Variants in PROSER1 observed in about 807,000 individuals in gnomAD.
PROSER1 encodes the protein proline and serine rich 1.
A neutral mutation model predicts 71.8 loss-of-function variants in PROSER1; 36 were observed. That is an observed-to-expected ratio of 0.50 (90% confidence interval 0.38 to 0.66). PROSER1 has a LOEUF of 0.66. Ranked by LOEUF, PROSER1 falls within the 30% of genes least tolerant of loss-of-function variation. PROSER1 has a pLI of 0.00. For missense variants in PROSER1, 1,107 were observed against 1,135.0 expected, an observed-to-expected ratio of 0.98 and a Z score of 0.35; for synonymous variants, 490 against 452.4, an observed-to-expected ratio of 1.08 and a Z score of -1.06.
chr13:39,026,511 A>G (rs937474712), intron 5 of PROSER1, 124 bp from the exon 6 acceptor site: 31 of 569,814 alleles, frequency 5.4e-5, no homozygotes, highest in African/African-American at 5.1e-4. Context: ...CTGCTCATAC[A>G]TAATTCAGCA....
rs1425239282 is a variant in PROSER1 at position 39,022,596 on chromosome 13, T to C, written c.644-184A>G. 4 of 524,670 alleles carry C rather than the reference T, an allele frequency of 7.6e-6. No homozygotes were observed. The African/African-American group carries it at 7.6e-5, about 10-fold the overall frequency. The allele number at this position is 524,670 out of a possible 1,614,324, so 32.5% of individuals were successfully genotyped here. On this transcript the variant is annotated intron_variant, in intron 8 of 12. Coordinates refer to ENST00000352251, the MANE Select transcript of PROSER1 (RefSeq NM_025138.5). ...GAGTTAAGTGAAAACTGACACCAAA[T>C]GAAACAACCAGAGATTCCTATTTCC...
intron 6 of PROSER1, 140 bp downstream of exon 6, chr13:39,026,137 G>T: frequency 1.8e-6 from 1 of 569,166 alleles, no homozygotes. Flanking sequence ...ATGAAGTTTA[G>T]ACATGAACTT....
intron 6 of PROSER1, among the ~76,000 whole-genome samples, chr13:39,025,628 G>C (rs534738463): frequency 6.6e-6 from 1 of 152,122 alleles, no homozygotes. Context: ...GCATGTAAAC[G>C]AGTCACCTTG....
At chr13:39,022,542 A>C in intron 8 of PROSER1, 130 bp from the exon 9 acceptor site, 1 of 615,724 alleles carries the variant, frequency 1.6e-6, no homozygotes, top group Non-Finnish European at 2.9e-6. Flanking sequence ...TATTTAATAC[A>C]GTTGATTTTA....
intron 12 of PROSER1, 112 bp downstream of exon 12, chr13:39,011,970 TA>T: frequency 8.8e-7 from 1 of 1,136,430 alleles, no homozygotes; most frequent in Non-Finnish European, 1.3e-6. Context: ...TGCATTCTGC[TA>T]AGAGCCATTT....
intron 1 of PROSER1, among the ~76,000 whole-genome samples, chr13:39,036,183 A>G (rs1407444189): frequency 1.3e-5 from 2 of 152,262 alleles, no homozygotes; most frequent in Admixed American, 1.3e-4. Context: ...ATTTTATTTC[A>G]AAAATTAATT....
chr13:39,011,478 C>T lies in PROSER1; in HGVS notation c.2722G>A (p.Ala908Thr), dbSNP rs773078069. The stretch of plus-strand genomic sequence containing the variant: ...GCTGGATAGCTTTCCAGAGCCGAAG[C>T]TGAATGGACCTGATGGAAAGAAGAG... ...QSALLQQVHS[A>T]SALESYPAQP... Residue 908 changes from alanine (A) to threonine (T), a missense_variant, in exon 13 of 13, where the codon GCT (alanine) becomes ACT (threonine). Coordinates refer to ENST00000352251, the MANE Select transcript of PROSER1 (RefSeq NM_025138.5). 8 of 1,613,902 alleles carry T rather than the reference C, an allele frequency of 5.0e-6. No homozygotes were observed. Among genetic ancestry groups the T allele is most frequent in the Non-Finnish European group, 1.7e-6 (2 of 1,179,980 alleles).
At position 39,026,302 on chromosome 13, in the gene PROSER1, G is replaced by A. The variant is rs748211728; in HGVS notation, c.455C>T (p.Pro152Leu). 4.3e-6 allele frequency: 7 copies of A among 1,611,734 alleles called. No individual in the cohort carries two copies. Among genetic ancestry groups the A allele is most frequent in the African/African-American group, 1.3e-5 (1 of 74,852 alleles). The change falls in exon 6 of 13, where the codon CCT (proline) becomes CTT (leucine). Residue 152 changes from proline (P) to leucine (L), a missense_variant. By Grantham distance (98) the Pro-to-Leu change is moderately conservative (BLOSUM62 -3). Coordinates refer to ENST00000352251, the MANE Select transcript of PROSER1 (RefSeq NM_025138.5). ...IPGNPYPKGR[P>L]SRINGIFPGT... ...TGGGAAAATTCCATTTATGCGGCTA[G>A]GTCTTCCTTTGGGATATGGATTTCC...
rs1199552330 is a variant in PROSER1, at chr13:39,012,714, G to A, written c.2538C>T (p.Asn846=). 2.5e-6 allele frequency: 4 copies of A among 1,592,768 alleles called. No homozygotes were observed. In the African/African-American group the frequency reaches 4.1e-5, roughly 16 times the overall value. ...ACCCGGCTTGTGCAACAAGAGCGGA[G>A]TTGAAATTGGAACTGAATGCTGAGG... is the stretch of plus-strand genomic sequence containing the variant. ...GFASAFSSNF[N]SALVAQAGLS... Residue 846 remains asparagine (N), a synonymous_variant, in exon 11 of 13, where the codon AAC becomes AAT. Coordinates refer to ENST00000352251, the MANE Select transcript of PROSER1 (RefSeq NM_025138.5).
intron 1 of PROSER1, among the ~76,000 whole-genome samples, chr13:39,034,599 T>G (rs1441907638): frequency 6.6e-6 from 1 of 152,256 alleles, no homozygotes; most frequent in Non-Finnish European, 1.5e-5. Flanking sequence ...CATCAATTAT[T>G]GAATATCTAC....
chr13:39,017,096 TTATTGAAA>T (rs1173851333), intron 10 of PROSER1, among the ~76,000 whole-genome samples: 4 of 152,248 alleles, frequency 2.6e-5, no homozygotes, highest in Admixed American at 2.0e-4. Flanking sequence ...TTAATAATAC[TTATTGAAA>T]TAATGAACTC....
At chr13:39,036,486 C>A (rs560257369) in intron 1 of PROSER1, among the ~76,000 whole-genome samples, 92 of 152,240 alleles carry the variant, frequency 6.0e-4, no homozygotes, top group African/African-American at 2.0e-3. Context: ...AACAATGGTA[C>A]ATCAAGTCCT....
Position 39,031,811 on chromosome 13 carries a change from C to T in PROSER1, c.112-180G>A, listed in dbSNP as rs888451038. On this transcript the variant is annotated intron_variant, in intron 2 of 12. Coordinates refer to ENST00000352251, the MANE Select transcript of PROSER1 (RefSeq NM_025138.5). ...TATATAGTTATATACATTTAAATAA[C>T]TTAAAGTCAAATAAAATGTAAAAAT... is the stretch of plus-strand genomic sequence containing the variant. 6 of 527,010 alleles carry T rather than the reference C, an allele frequency of 1.1e-5. No homozygotes were observed. The Admixed American group carries it at 2.3e-4, about 20-fold the overall frequency. 32.6% of individuals were successfully genotyped at this position (527,010 alleles called of 1,614,324 possible). A position where few individuals can be genotyped will look rare whatever the true frequency, so the allele number is the denominator to read the frequency against.
At chr13:39,029,159 T>C in intron 4 of PROSER1, 122 bp downstream of exon 4, 1 of 574,342 alleles carries the variant, frequency 1.7e-6, no homozygotes. Flanking sequence ...GAAATCAGAA[T>C]GTACCACTAT....
At chr13:39,033,582 A>G (rs1266744357) in intron 2 of PROSER1, among the ~76,000 whole-genome samples, 2 of 152,230 alleles carry the variant, frequency 1.3e-5, no homozygotes, top group Non-Finnish European at 2.9e-5. Context: ...TGTGACACAC[A>G]TATATTTTAA....
In PROSER1 at chr13:39,014,282, C is replaced by G. The variant is rs747081682; in HGVS notation, c.970G>C (p.Val324Leu). The change falls in exon 11 of 13, where the codon GTT (valine) becomes CTT (leucine). Residue 324 changes from valine (V) to leucine (L), a missense_variant. By Grantham distance (32) the Val-to-Leu change is conservative (BLOSUM62 1). Coordinates refer to ENST00000352251, the MANE Select transcript of PROSER1 (RefSeq NM_025138.5). ...GGTATTGATGGCTGAGGTGTGTGAACGGCTGAGGAGACCTGCCCTGGGAAC... is the reference window on the plus strand; with the variant it reads ...GGTATTGATGGCTGAGGTGTGTGAAGGGCTGAGGAGACCTGCCCTGGGAAC... ...PVFPGQVSSA[V>L]HTPQPSIPNP... is the part of the protein sequence containing the mutation. 1 of 1,613,884 alleles carries G rather than the reference C, an allele frequency of 6.2e-7. No individual in the cohort carries two copies. Among genetic ancestry groups the G allele is most frequent in the African/African-American group, 1.3e-5 (1 of 74,828 alleles).
intron 6 of PROSER1, among the ~76,000 whole-genome samples, chr13:39,025,803 T>C (rs990278679): frequency 1.3e-5 from 2 of 152,200 alleles, no homozygotes; most frequent in Admixed American, 6.5e-5. Flanking sequence ...GGGGTTGTTA[T>C]GCAGCTACAG....
intron 9 of PROSER1, 80 bp downstream of exon 9, chr13:39,022,246 G>A (rs1459697321): frequency 1.3e-5 from 12 of 941,418 alleles, no homozygotes; most frequent in Non-Finnish European, 1.8e-5. Context: ...GTTAGAATAC[G>A]TCATGCCAAA....
intron 2 of PROSER1, 98 bp from the exon 3 acceptor site, chr13:39,031,729 G>T (rs9566391): frequency 3.7e-5 from 37 of 1,012,506 alleles, no homozygotes; most frequent in Non-Finnish European, 4.9e-5. Context: ...GTGCAGCCCA[G>T]GCCCAGGTGA....
Sources: allele counts gnomAD v4.1 joint callset (sites outside exome capture counted in the v4.1 genomes callset), GRCh38; gene constraint gnomAD v4.1.1; transcripts MANE v1.5; gene names NCBI Gene and HGNC (gene_info 2026-07-23, HGNC 2026-07-21).